The following AGMO variants were observed in gnomAD, a reference collection of about 807,000 sequenced individuals.
The protein encoded by AGMO is alkylglycerol monooxygenase, also known as glyceryl-ether monooxygenase.
A neutral mutation model predicts 60.2 loss-of-function variants in AGMO; 75 were observed. The ratio of observed to expected loss-of-function variants is 1.25; its 90% confidence interval spans 1.03 to 1.51. The LOEUF is 1.51. Among genes scored for constraint, AGMO ranks in the 40% most tolerant of loss-of-function variants. The probability of loss-of-function intolerance (pLI) is 0.00; values close to 1 mark genes in which losing one functional copy is unlikely to be tolerated. For synonymous variants in AGMO, 261 were observed against 177.1 expected, an observed-to-expected ratio of 1.47 and a Z score of -3.76; for missense variants, 763 against 525.5, an observed-to-expected ratio of 1.45 and a Z score of -4.42.
intron 3 of AGMO, among the ~76,000 whole-genome samples, chr7:15,540,480 T>A (rs1483645153): frequency 6.6e-6 from 1 of 152,178 alleles, no homozygotes; most frequent in Non-Finnish European, 1.5e-5. Context: ...AAGGTCTCTT[T>A]CTCATGTTCT....
chr7:15,184,599 A>AGGG, the AGMO span, among the ~76,000 whole-genome samples: 1 of 124,264 alleles, frequency 8.0e-6, no homozygotes, highest in African/African-American at 3.3e-5. Flanking sequence ...TAAGGAAGGG[A>AGGG]AGGAAAGAAG....
In AGMO at chr7:15,354,359, T is replaced by TGTGTATATAGAC. The variant is rs1277125791; in HGVS notation, c.1263+11143_1263+11154dup. 3.4e-5 allele frequency among the ~76,000 whole-genome samples: 2 copies of TGTGTATATAGAC among 59,500 alleles called. 1 individual carries two copies. The highest frequency in any genetic ancestry group is 2.1e-4 in the African/African-American group (2 of 9,340). 39.0% of individuals were successfully genotyped at this position (59,500 alleles called of 152,430 possible). On this transcript the variant is annotated intron_variant, in intron 12 of 12. Transcript: ENST00000342526. ...GTATATACACGCGTGTATATAGACG[T>TGTGTATATAGAC]GTGTATATAGACGTGTGTATACACG...
At chr7:15,279,890 G>GA (rs1783912473) in intron 12 of AGMO, among the ~76,000 whole-genome samples, 1 of 152,198 alleles carries the variant, frequency 6.6e-6, no homozygotes, top group Admixed American at 6.5e-5. Flanking sequence ...ACAGTAGGGA[G>GA]AGCCTTGTGT....
intron 12 of AGMO, among the ~76,000 whole-genome samples, chr7:15,263,169 C>T (rs977826681): frequency 1.3e-5 from 2 of 152,018 alleles, no homozygotes; most frequent in African/African-American, 4.8e-5. Flanking sequence ...AAAATCTTCA[C>T]AATCCATACA....
At chr7:15,359,398 T>C (rs1242969152) in intron 12 of AGMO, among the ~76,000 whole-genome samples, 1 of 151,268 alleles carries the variant, frequency 6.6e-6, no homozygotes, top group East Asian at 1.9e-4. Context: ...GTGTTTCTAA[T>C]GTGTGGTTTT....
chr7:15,340,336 T>C (rs1750118395), intron 12 of AGMO, among the ~76,000 whole-genome samples: 2 of 152,346 alleles, frequency 1.3e-5, no homozygotes, highest in South Asian at 2.1e-4. Flanking sequence ...TTTTGGAGTA[T>C]GTCAGATTTT....
intron 6 of AGMO, among the ~76,000 whole-genome samples, chr7:15,392,719 A>C (rs1250875719): frequency 6.6e-6 from 1 of 152,146 alleles, no homozygotes; most frequent in Non-Finnish European, 1.5e-5. Flanking sequence ...GAATCACTTG[A>C]ACCCGGTAGG....
At chr7:15,424,581 C>T (rs1781008150) in intron 4 of AGMO, among the ~76,000 whole-genome samples, 1 of 152,122 alleles carries the variant, frequency 6.6e-6, no homozygotes, top group East Asian at 1.9e-4. Context: ...TTTCTGTAAG[C>T]TACAGAATAA....
intron 12 of AGMO, among the ~76,000 whole-genome samples, chr7:15,331,988 G>A (rs926657403): frequency 6.6e-6 from 1 of 151,774 alleles, no homozygotes; most frequent in Non-Finnish European, 1.5e-5. Context: ...GGTGAAATAT[G>A]CTGCCCCAAA....
intron 3 of AGMO, among the ~76,000 whole-genome samples, chr7:15,453,029 A>G (rs914313659): frequency 1.3e-5 from 2 of 152,264 alleles, no homozygotes; most frequent in African/African-American, 2.4e-5. Context: ...CAACTCCACA[A>G]AGACAGAAAG....
At chr7:15,296,512 C>G (rs1190862008) in intron 12 of AGMO, among the ~76,000 whole-genome samples, 3 of 152,134 alleles carry the variant, frequency 2.0e-5, no homozygotes, top group Non-Finnish European at 4.4e-5. Flanking sequence ...GCCATCCTTT[C>G]CAAGAGAAGA....
intron 12 of AGMO, among the ~76,000 whole-genome samples, chr7:15,315,999 G>C (rs1005115396): frequency 6.6e-6 from 1 of 152,040 alleles, no homozygotes; most frequent in African/African-American, 2.4e-5. Flanking sequence ...GTACTTTTGA[G>C]AGATATTATT....
At chr7:15,150,090 C>T in the AGMO span, among the ~76,000 whole-genome samples, 6 of 152,006 alleles carry the variant, frequency 3.9e-5, no homozygotes, top group East Asian at 7.7e-4. Flanking sequence ...CTTGATTTGG[C>T]CCTCAGCTTG....
At chr7:15,167,459 G>C in the AGMO span, among the ~76,000 whole-genome samples, 2 of 152,168 alleles carry the variant, frequency 1.3e-5, no homozygotes, top group East Asian at 3.8e-4. Context: ...ACGCTAAAGA[G>C]TAGACTGCAA....
chr7:15,346,344 G>C (rs570991129), intron 12 of AGMO, among the ~76,000 whole-genome samples: 1 of 152,012 alleles, frequency 6.6e-6, no homozygotes, highest in Non-Finnish European at 1.5e-5. Context: ...GTCTAGTCCC[G>C]AGTACTTTAT....
intron 12 of AGMO, among the ~76,000 whole-genome samples, chr7:15,268,259 C>A (rs1405053877): frequency 6.6e-6 from 1 of 151,942 alleles, no homozygotes; most frequent in Non-Finnish European, 1.5e-5. Context: ...TTTTGCATTT[C>A]TTTAAGGAAT....
intron 12 of AGMO, among the ~76,000 whole-genome samples, chr7:15,354,480 GTGTATATACACACGTGTATATATA>G (rs1563105857): frequency 1.1e-3 from 19 of 17,438 alleles, no homozygotes; most frequent in Non-Finnish European, 1.5e-3. Context: ...ATACACACGT[GTGTATATACACACGTGTATATATA>G]TATATATATA....
Position 15,560,225 on chromosome 7 carries a change from C to G in AGMO, c.173G>C (p.Ser58Thr), listed in dbSNP as rs1400109454. The G allele has an allele frequency of 6.2e-7, 1 of 1,612,928 alleles. No homozygotes were observed. The highest frequency in any genetic ancestry group is 8.5e-7 in the Non-Finnish European group (1 of 1,179,250). ...ISLMLLELVV[S>T]WILKGKPPGR... ...TGGTGGCTTTCCTTTGAGAATCCAGCTGACAACAAGTTCAAGCAGCATCAA... is the reference window on the plus strand; with the variant it reads ...TGGTGGCTTTCCTTTGAGAATCCAGGTGACAACAAGTTCAAGCAGCATCAA... Residue 58 changes from serine (S) to threonine (T), a missense_variant, in exon 2 of 13, where the codon AGC becomes ACC. Coordinates refer to ENST00000342526, the MANE Select transcript of AGMO (RefSeq NM_001004320.2).
intron 12 of AGMO, among the ~76,000 whole-genome samples, chr7:15,292,797 T>C (rs1784310411): frequency 7.2e-6 from 1 of 138,420 alleles, no homozygotes; most frequent in Admixed American, 7.5e-5. Flanking sequence ...CACTCTTGTC[T>C]CCCAAGCTGG....
Sources: gnomAD v4.1 joint callset for allele counts (sites outside exome capture counted in the v4.1 genomes callset) on GRCh38, gnomAD v4.1.1 for gene constraint, MANE v1.5 for transcripts, NCBI Gene and HGNC (gene_info 2026-07-23, HGNC 2026-07-21) for gene names.